Variants in ADAM22 observed in about 807,000 individuals in gnomAD.
The protein encoded by ADAM22 is disintegrin and metalloproteinase domain-containing protein 22.
A neutral mutation model predicts 144.6 loss-of-function variants in ADAM22; 65 were observed. That is an observed-to-expected ratio of 0.45 (90% CI 0.37 to 0.55). ADAM22 has a LOEUF of 0.55. Among genes scored for constraint, ADAM22 ranks in the 20% least tolerant of loss-of-function variants. The probability of loss-of-function intolerance (pLI) is 0.00; values close to 1 mark genes in which losing one functional copy is unlikely to be tolerated. For synonymous variants in ADAM22, 391 were observed against 412.6 expected, an observed-to-expected ratio of 0.95 and a Z score of 0.63; for missense variants, 974 against 1,184.9, an observed-to-expected ratio of 0.82 and a Z score of 2.61.
Position 88,114,794 on chromosome 7 carries a change from T to C in ADAM22, c.537+147T>C, listed in dbSNP as rs1426186736. 1.5e-5 allele frequency: 10 copies of C among 684,716 alleles called. 1 individual carries two copies. In the South Asian group the frequency reaches 2.0e-4, roughly 14 times the overall value. The allele number at this position is 684,716 out of a possible 1,614,324, so 42.4% of individuals were successfully genotyped here. ...ATATGTACAGATGCTCCTCAACTTA[T>C]GATGGGTCTATGTCCTGATAAACCT... On this transcript the variant is annotated intron_variant, in intron 6 of 31. Coordinates refer to ENST00000413139, the MANE Select transcript of ADAM22 (RefSeq NM_001324418.2).
chr7:88,136,056 A>G, intron 14 of ADAM22, 25 bp downstream of exon 14: 1 of 1,605,698 alleles, frequency 6.2e-7, no homozygotes, highest in Non-Finnish European at 8.5e-7. Context: ...TTTGAAAATA[A>G]CTCAGTCTTA....
intron 3 of ADAM22, among the ~76,000 whole-genome samples, chr7:88,038,386 G>A (rs1406726541): frequency 6.6e-6 from 1 of 151,342 alleles, no homozygotes; most frequent in East Asian, 1.9e-4. Flanking sequence ...TTAGACTGGA[G>A]CATCCAAATA....
intron 4 of ADAM22, among the ~76,000 whole-genome samples, chr7:88,088,806 A>T (rs955086461): frequency 6.6e-5 from 10 of 152,224 alleles, no homozygotes; most frequent in African/African-American, 2.4e-4. Context: ...TATTGTTTGT[A>T]AAAACAACAA....
At chr7:88,113,739 T>TATATAG (rs1826940893) in intron 5 of ADAM22, among the ~76,000 whole-genome samples, 1 of 129,678 alleles carries the variant, frequency 7.7e-6, no homozygotes, top group Non-Finnish European at 1.6e-5. Flanking sequence ...TATATATATA[T>TATATAG]AGTAAGTCCT....
At chr7:88,010,793 T>C (rs145664534) in intron 3 of ADAM22, among the ~76,000 whole-genome samples, 1,712 of 152,310 alleles carry the variant, frequency 0.011, 25 homozygotes, top group African/African-American at 0.039. Flanking sequence ...ACCATAATTG[T>C]CCACTGTAGT....
chr7:88,144,071 CA>C, intron 15 of ADAM22, among the ~76,000 whole-genome samples: 1 of 151,962 alleles, frequency 6.6e-6, no homozygotes, highest in Non-Finnish European at 1.5e-5. Context: ...CAGTTTCGAC[CA>C]AAAATGAAAT....
At chr7:87,950,359 A>G (rs561183000) in intron 2 of ADAM22, among the ~76,000 whole-genome samples, 13 of 139,298 alleles carry the variant, frequency 9.3e-5, no homozygotes, top group African/African-American at 3.3e-4. Context: ...TCATTGTTCA[A>G]TTCCCATCTA....
At chr7:88,086,119 T>A (rs966578136) in intron 4 of ADAM22, among the ~76,000 whole-genome samples, 1 of 152,166 alleles carries the variant, frequency 6.6e-6, no homozygotes, top group African/African-American at 2.4e-5. Context: ...GAGGTTGCAG[T>A]GAGCTGAGAT....
intron 3 of ADAM22, among the ~76,000 whole-genome samples, chr7:88,010,023 TTC>T (rs1044409370): frequency 1.5e-5 from 2 of 129,340 alleles, no homozygotes; most frequent in South Asian, 3.0e-4. Flanking sequence ...ATGGTTGAAT[TTC>T]TCTCTTTTTT....
intron 3 of ADAM22, among the ~76,000 whole-genome samples, chr7:88,062,305 T>C (rs13245224): frequency 1.3e-5 from 2 of 152,222 alleles, no homozygotes; most frequent in Non-Finnish European, 2.9e-5. Context: ...AGATAAATTG[T>C]GGCAGCTTCT....
chr7:87,966,720 C>T (rs910582237), intron 2 of ADAM22, among the ~76,000 whole-genome samples: 4 of 30,172 alleles, frequency 1.3e-4, no homozygotes, highest in Non-Finnish European at 2.4e-4. Flanking sequence ...CAAGGAAAGC[C>T]GTTTTTTTTT....
chr7:88,005,484 T>G (rs1793591389), intron 3 of ADAM22, among the ~76,000 whole-genome samples: 1 of 152,102 alleles, frequency 6.6e-6, no homozygotes, highest in Non-Finnish European at 1.5e-5. Context: ...AGCAGCAAAG[T>G]GTTCTTTCCA....
chr7:88,170,409 C>G (rs1409807526), intron 25 of ADAM22, among the ~76,000 whole-genome samples: 1 of 151,638 alleles, frequency 6.6e-6, no homozygotes, highest in Non-Finnish European at 1.5e-5. Flanking sequence ...TCCAGTTAAA[C>G]TTTCTACCCC....
intron 2 of ADAM22, among the ~76,000 whole-genome samples, chr7:87,974,577 A>T (rs982595528): frequency 1.3e-5 from 2 of 152,170 alleles, no homozygotes; most frequent in African/African-American, 4.8e-5. Flanking sequence ...CTGTGGAGGA[A>T]AGTGACATTG....
intron 9 of ADAM22, among the ~76,000 whole-genome samples, chr7:88,129,406 G>A (rs1831199969): frequency 6.6e-6 from 1 of 151,592 alleles, no homozygotes; most frequent in African/African-American, 2.4e-5. Flanking sequence ...ACTTATTTGA[G>A]GAAAAAATGA....
intron 7 of ADAM22, among the ~76,000 whole-genome samples, chr7:88,122,689 G>T (rs1829589365): frequency 6.6e-6 from 1 of 152,152 alleles, no homozygotes; most frequent in Non-Finnish European, 1.5e-5. Flanking sequence ...TCTGCCCTAT[G>T]TAGTCCCAGG....
Position 88,202,131 on chromosome 7 carries a change from C to G in ADAM22, c.*5640C>G, listed in dbSNP as rs1395880191. ...TGACTAGAAACCCCACTTTTCTTTT[C>G]TAATCCAGCACAAAATCAAACTCTG... On this transcript the variant is annotated 3_prime_UTR_variant, in exon 32 of 32. Transcript: ENST00000413139. 1 of 152,116 alleles carries G rather than the reference C, an allele frequency of 6.6e-6. No individual in the cohort carries two copies. The highest frequency in any genetic ancestry group is 1.5e-5 in the Non-Finnish European group (1 of 68,022). The allele number at this position is 152,116 out of a possible 1,614,324, so 9.4% of individuals were successfully genotyped here. A position where few individuals can be genotyped will look rare whatever the true frequency, so the allele number is the denominator to read the frequency against.
intron 25 of ADAM22, among the ~76,000 whole-genome samples, chr7:88,170,463 A>T (rs567538659): frequency 8.6e-5 from 13 of 152,026 alleles, no homozygotes; most frequent in East Asian, 7.7e-4. Context: ...TTAAAAAAAA[A>T]AATAAAGTAG....
At chr7:88,016,385 G>A (rs1351921296) in intron 3 of ADAM22, among the ~76,000 whole-genome samples, 1 of 152,208 alleles carries the variant, frequency 6.6e-6, no homozygotes, top group African/African-American at 2.4e-5. Flanking sequence ...AATGGGAAAT[G>A]TCCCTAGAGA....
Sources: gnomAD v4.1 joint callset for allele counts (sites outside exome capture counted in the v4.1 genomes callset) on GRCh38, gnomAD v4.1.1 for gene constraint, MANE v1.5 for transcripts, NCBI Gene and HGNC (gene_info 2026-07-23, HGNC 2026-07-21) for gene names.